Variants in NUP62 observed in about 807,000 individuals in gnomAD.
The protein encoded by NUP62 is nucleoporin 62.
For synonymous variants in NUP62, 305 were observed against 303.4 expected (o/e 1.01, Z -0.05); for missense variants, 647 against 689.4 (o/e 0.94, Z 0.69).
At chr19:49,914,734 T>TTG (rs1668430868) in intron 2 of NUP62, among the ~76,000 whole-genome samples, 1 of 109,506 alleles carries the variant, frequency 9.1e-6, no homozygotes, top group Non-Finnish European at 1.8e-5. Context: ...CAGTTTTTTT[T>TTG]TTTTTTTTTT....
intron 2 of NUP62, among the ~76,000 whole-genome samples, chr19:49,926,143 T>C (rs914460958): frequency 3.0e-5 from 4 of 134,902 alleles, no homozygotes; most frequent in African/African-American, 1.2e-4. Context: ...TGGGAGGCGG[T>C]GGTTGCAGTG....
chr19:49,909,139 C>G lies in NUP62; in HGVS notation c.669G>C (p.Ala223=), dbSNP rs769656301. Residue 223 remains alanine (A), a synonymous_variant, in exon 3 of 3, where the codon GCG becomes GCC. Transcript: ENST00000352066. ...ATGAGGTTGGAGCAGTTGCTATTGA[C>G]GCAAAGAGGCTGGGCCCAGTGCTGG... is the stretch of plus-strand genomic sequence containing the variant. ...TITSTGPSLF[A]SIATAPTSSA... 1.9e-6 allele frequency: 3 copies of G among 1,612,724 alleles called. No homozygotes were observed. The highest frequency in any genetic ancestry group is 2.5e-6 in the Non-Finnish European group (3 of 1,179,810).
At chr19:49,911,542 C>T (rs1431920180) in intron 2 of NUP62, among the ~76,000 whole-genome samples, 1 of 152,086 alleles carries the variant, frequency 6.6e-6, no homozygotes, top group Non-Finnish European at 1.5e-5. Context: ...CAACCTATCT[C>T]ACTACCCCCA....
At chr19:49,924,613 A>T (rs924111498) in intron 2 of NUP62, among the ~76,000 whole-genome samples, 1 of 152,174 alleles carries the variant, frequency 6.6e-6, no homozygotes, top group Non-Finnish European at 1.5e-5. Flanking sequence ...AGGCTGGGGG[A>T]GGCCAGGACA....
chr19:49,908,398 T>C lies in NUP62; in HGVS notation c.1410A>G (p.Pro470=). 1 of 1,614,194 alleles carries C rather than the reference T, an allele frequency of 6.2e-7. No homozygotes were observed. Among genetic ancestry groups the C allele is most frequent in the South Asian group, 1.1e-5 (1 of 91,086 alleles). Reference sequence around the variant, plus strand: ...TGAGGATCTTGCAGATCTGCTGCAGTGGGTCACTGGTGTCGGCGGGGGCCC... The same window carrying C: ...TGAGGATCTTGCAGATCTGCTGCAGCGGGTCACTGGTGTCGGCGGGGGCCC... The part of the protein sequence containing the change: ...TSGAPADTSD[P]LQQICKILNA... Residue 470 remains proline (P), a synonymous_variant, in exon 3 of 3, where the codon CCA becomes CCG. Coordinates refer to ENST00000352066, the MANE Select transcript of NUP62 (RefSeq NM_016553.5).
intron 2 of NUP62, among the ~76,000 whole-genome samples, chr19:49,916,222 A>ATGTTAGAATTAAG (rs547573402): frequency 2.8e-4 from 42 of 152,234 alleles, no homozygotes; most frequent in African/African-American, 9.9e-4. Context: ...TGAGGAAAAG[A>ATGTTAGAATTAAG]TGTTAGAATT....
intron 2 of NUP62, among the ~76,000 whole-genome samples, chr19:49,914,537 C>T (rs982391786): frequency 6.6e-6 from 1 of 152,092 alleles, no homozygotes; most frequent in African/African-American, 2.4e-5. Flanking sequence ...TCAAACAACA[C>T]GGCCGCCTTC....
rs372225780 is a variant in NUP62, at chr19:49,921,866, C to G, written c.-78+5828G>C. ...TAGGAACCACATATCCTGGGCCAGA[C>G]GAATGCAGGAGCTGCCTCCTCTGGA... On this transcript the variant is annotated intron_variant, in intron 2 of 2. Coordinates refer to ENST00000352066, the MANE Select transcript of NUP62 (RefSeq NM_016553.5). This position sits in a 1 kb window ranked among gnomAD's most constrained non-coding sequence, Gnocchi z 5.4. Among the ~76,000 whole-genome samples the G allele has an allele frequency of 3.9e-5, 6 of 152,184 alleles. No homozygotes were observed. The South Asian group carries it at 1.2e-3, about 32-fold the overall frequency.
chr19:49,911,386 G>T (rs778010427), intron 2 of NUP62: 1 of 152,200 alleles, frequency 6.6e-6, no homozygotes, highest in Non-Finnish European at 1.5e-5. Flanking sequence ...AAAAACAAAA[G>T]AATAATCAAA....
chr19:49,907,377 C>T lies in NUP62; in HGVS notation c.*862G>A, dbSNP rs151270836. 0.012 allele frequency: 4,050 copies of T among 341,342 alleles called. 229 individuals are homozygous for T. In the Admixed American group the frequency reaches 0.13, roughly 11 times the overall value. 21.1% of individuals were successfully genotyped at this position (341,342 alleles called of 1,614,324 possible). ...GCGCCCATCTGTGGTTCCTCAACAC[C>T]CTGTGTGTGCAGGCCCCTCAGCTGA... On this transcript the variant is annotated 3_prime_UTR_variant, in exon 3 of 3. Transcript: ENST00000352066.
chr19:49,916,079 C>T (rs1287226706), intron 2 of NUP62, among the ~76,000 whole-genome samples: 2 of 152,240 alleles, frequency 1.3e-5, no homozygotes, highest in African/African-American at 4.8e-5. Flanking sequence ...CACTGCAGCA[C>T]ACCGAGCCCT....
In NUP62 at chr19:49,914,186, A is replaced by C. The variant is rs1290741; in HGVS notation, c.-77-4302T>G. ...AAAACAAAAAGCCACAAATACTAGA[A>C]CTTGGGAAGTTTCTCACAAATGCAA... On this transcript the variant is annotated intron_variant, in intron 2 of 2. Coordinates refer to ENST00000352066, the MANE Select transcript of NUP62 (RefSeq NM_016553.5). Among the ~76,000 whole-genome samples, 498 of 152,308 alleles carry C rather than the reference A, an allele frequency of 3.3e-3. 3 individuals are homozygous for C. Among genetic ancestry groups the C allele is most frequent in the African/African-American group, 0.011 (463 of 41,570 alleles).
chr19:49,912,330 G>A (rs372176063), intron 2 of NUP62, among the ~76,000 whole-genome samples: 388 of 152,082 alleles, frequency 2.6e-3, no homozygotes, highest in African/African-American at 6.4e-3. Context: ...CACCACGCCC[G>A]GCTAATTTTT....
At chr19:49,909,938 G>A (rs759139761) in intron 2 of NUP62, 54 bp from the exon 3 acceptor site, 7 of 932,666 alleles carry the variant, frequency 7.5e-6, no homozygotes, top group African/African-American at 3.3e-5. Flanking sequence ...GGCAAGCTCA[G>A]TGGCATGACT....
rs539312681 is a variant in NUP62, at chr19:49,912,128, CA to C, written c.-77-2245del. Among the ~76,000 whole-genome samples, 203 of 150,398 alleles carry C rather than the reference CA, an allele frequency of 1.3e-3. 1 individual carries two copies. Among genetic ancestry groups the C allele is most frequent in the Non-Finnish European group, 2.1e-3 (141 of 67,686 alleles). On this transcript the variant is annotated intron_variant, in intron 2 of 2. Coordinates refer to ENST00000352066, the MANE Select transcript of NUP62 (RefSeq NM_016553.5). ...AACTATGAAAAAACTACAAGGAAAA[CA>C]ATCTTCTATGGGGACTTGTCTGGCT...
At chr19:49,913,141 T>C (rs558770489) in intron 2 of NUP62, 1 of 152,368 alleles carries the variant, frequency 6.6e-6, no homozygotes, top group Admixed American at 6.5e-5. Flanking sequence ...AGAGGCGCCG[T>C]CCACGCGGGA....
chr19:49,911,657 G>A (rs571556047), intron 2 of NUP62, among the ~76,000 whole-genome samples: 1 of 152,242 alleles, frequency 6.6e-6, no homozygotes, highest in African/African-American at 2.4e-5. Flanking sequence ...TGACCCCAGG[G>A]CCAGCTGCAC....
chr19:49,928,488 G>A (rs2075966166), intron 1 of NUP62: 1 of 150,182 alleles, frequency 6.7e-6, no homozygotes, highest in African/African-American at 2.5e-5. Context: ...CTGCACTCCA[G>A]CCTGGGCGAC....
rs45540835 is a variant in NUP62 at position 49,908,185 on chromosome 19, C to T, written c.*54G>A. On this transcript the variant is annotated 3_prime_UTR_variant, in exon 3 of 3. Transcript: ENST00000352066. ...CAACCCCAAACTACAGACAACAGGGCGCATTCCCCTCATGAACTCCCTAGG... is the reference window on the plus strand; with the variant it reads ...CAACCCCAAACTACAGACAACAGGGTGCATTCCCCTCATGAACTCCCTAGG... 2.7e-3 allele frequency: 4,337 copies of T among 1,597,394 alleles called. 9 individuals carry two copies. The highest frequency in any genetic ancestry group is 3.4e-3 in the Non-Finnish European group (3,975 of 1,175,372).
Sources: gnomAD v4.1 joint callset for allele counts (sites outside exome capture counted in the v4.1 genomes callset) on GRCh38, gnomAD v4.1.1 for gene constraint, Gnocchi (gnomAD v3.1) non-coding constraint, MANE v1.5 for transcripts, NCBI Gene and HGNC (gene_info 2026-07-23, HGNC 2026-07-21) for gene names.